Variants in MAD2L1 observed in about 807,000 individuals in gnomAD.
MAD2L1 encodes mitotic arrest deficient 2 like 1, also known as mitotic spindle assembly checkpoint protein MAD2A.
In MAD2L1, 10 loss-of-function variants were observed where a neutral mutation model predicts 25.9. That is an observed-to-expected ratio of 0.39 (90% CI 0.24 to 0.66). The LOEUF (loss-of-function observed/expected upper bound fraction) is 0.66, where lower values mean the gene tolerates loss of function less well. Among genes scored for constraint, MAD2L1 ranks in the 30% least tolerant of loss-of-function variants. MAD2L1 has a pLI of 0.49. For missense variants in MAD2L1, 180 were observed against 246.4 expected, an observed-to-expected ratio of 0.73 and a Z score of 1.80; for synonymous variants, 81 against 91.8, an observed-to-expected ratio of 0.88 and a Z score of 0.67.
At chr4:120,065,013 G>A (rs1333708022) in intron 2 of MAD2L1, among the ~76,000 whole-genome samples, 2 of 152,126 alleles carry the variant, frequency 1.3e-5, no homozygotes, top group Non-Finnish European at 2.9e-5. Flanking sequence ...AGGAATTCTA[G>A]AAAGGAAAAA....
At position 120,057,083 on chromosome 4, in the gene MAD2L1, A is replaced by C. The variant is rs377173173; in HGVS notation, c.*3035T>G. On this transcript the variant is annotated 3_prime_UTR_variant, in exon 5 of 5. Coordinates refer to ENST00000296509, the MANE Select transcript of MAD2L1 (RefSeq NM_002358.4). ...TAAGCTACAACCCTGGGGCCGAAGC[A>C]AACAGCCATGTTTTTTTCTTATTGG... 1 of 152,360 alleles carries C rather than the reference A, an allele frequency of 6.6e-6. No homozygotes were observed. Among genetic ancestry groups the C allele is most frequent in the East Asian group, 1.9e-4 (1 of 5,188 alleles). The allele number at this position is 152,360 out of a possible 1,614,324, so 9.4% of individuals were successfully genotyped here. A position where few individuals can be genotyped will look rare whatever the true frequency, so the allele number is the denominator to read the frequency against.
At chr4:120,064,567 CACCAAAGCAAAGAAAAGCACCCAT>C (rs1301235527) in intron 2 of MAD2L1, among the ~76,000 whole-genome samples, 77 of 152,278 alleles carry the variant, frequency 5.1e-4, no homozygotes, top group African/African-American at 1.8e-3. Flanking sequence ...AAAGCACCCA[CACCAAAGCAAAGAAAAGCACCCAT>C]ACCAAAGAAA....
At chr4:120,066,225 G>T (rs567169278) in intron 1 of MAD2L1, among the ~76,000 whole-genome samples, 11 of 152,104 alleles carry the variant, frequency 7.2e-5, no homozygotes, top group Non-Finnish European at 7.4e-5. Context: ...ATCCTGCCAG[G>T]TTCCTTTAGA....
chr4:120,064,602 T>C (rs1359527251), intron 2 of MAD2L1, among the ~76,000 whole-genome samples: 1 of 152,092 alleles, frequency 6.6e-6, no homozygotes, highest in Non-Finnish European at 1.5e-5. Flanking sequence ...ACCAAAGAAA[T>C]ACCCAGGCCA....
intron 2 of MAD2L1, among the ~76,000 whole-genome samples, chr4:120,063,128 T>C (rs144915175): frequency 2.0e-4 from 31 of 152,328 alleles, no homozygotes; most frequent in Middle Eastern, 3.4e-3. Flanking sequence ...TGAGTGTACA[T>C]TGTCTCTGGG....
Position 120,066,663 on chromosome 4 carries a change from G to A in MAD2L1, c.72C>T (p.Phe24=). 6.2e-7 allele frequency: 1 copy of A among 1,603,244 alleles called. No homozygotes were observed. ...RGSAEIVAEF[F]SFGINSILYQ... is the part of the protein sequence containing the mutation. Reference sequence around the variant, plus strand: ...ATATTGGCCTGCGCGAGAACTTACAGAAGAACTCGGCCACGATTTCGGCGC... The same window carrying A: ...ATATTGGCCTGCGCGAGAACTTACAAAAGAACTCGGCCACGATTTCGGCGC... The change falls in exon 1 of 5, where the codon TTC becomes TTT. Residue 24 remains phenylalanine, a splice_region_variant and synonymous_variant. Coordinates refer to ENST00000296509, the MANE Select transcript of MAD2L1 (RefSeq NM_002358.4).
Position 120,059,902 on chromosome 4 carries a change from A to G in MAD2L1, c.*216T>C. 2.5e-6 allele frequency: 1 copy of G among 397,884 alleles called. No homozygotes were observed. Among genetic ancestry groups the G allele is most frequent in the Non-Finnish European group, 4.5e-6 (1 of 222,702 alleles). 24.6% of individuals were successfully genotyped at this position (397,884 alleles called of 1,614,324 possible). On this transcript the variant is annotated 3_prime_UTR_variant, in exon 5 of 5. Transcript: ENST00000296509. Reference sequence around the variant, plus strand: ...CAAAAAAACCTCCTGGTTCCTTTTGAACAATGTGCAATAAATTCATGATGT... The same window carrying G: ...CAAAAAAACCTCCTGGTTCCTTTTGGACAATGTGCAATAAATTCATGATGT...
Position 120,065,663 on chromosome 4 carries a change from T to C in MAD2L1, c.220+9A>G. The C allele has an allele frequency of 6.2e-7, 1 of 1,612,936 alleles. No homozygotes were observed. Among genetic ancestry groups the C allele is most frequent in the Admixed American group, 1.7e-5 (1 of 59,812 alleles). On this transcript the variant is annotated intron_variant, in intron 2 of 4. Coordinates refer to ENST00000296509, the MANE Select transcript of MAD2L1 (RefSeq NM_002358.4). ...GCAAGACTCAAATTGTTTCCAATGA[T>C]TAAAATACCTTTCAGTTGTTCCACC...
Position 120,057,926 on chromosome 4 carries a change from G to T in MAD2L1, c.*2192C>A, listed in dbSNP as rs1386392254. The T allele has an allele frequency of 6.6e-6, 1 of 152,140 alleles. No individual in the cohort carries two copies. The highest frequency in any genetic ancestry group is 1.5e-5 in the Non-Finnish European group (1 of 68,040). 9.4% of individuals were successfully genotyped at this position (152,140 alleles called of 1,614,324 possible). On this transcript the variant is annotated 3_prime_UTR_variant, in exon 5 of 5. Coordinates refer to ENST00000296509, the MANE Select transcript of MAD2L1 (RefSeq NM_002358.4). ...CGCCCAGGCTAGAGTACAGTGGCAC[G>T]GTCTTGGCTCACCGCAACCTCCACC...
At chr4:120,061,890 TCAA>T in intron 3 of MAD2L1, 82 bp downstream of exon 3, 1 of 1,053,808 alleles carries the variant, frequency 9.5e-7, no homozygotes. Context: ...TAAAACTAGT[TCAA>T]TACAATTAGA....
rs1465617959 is a variant in MAD2L1, at chr4:120,066,750, C to G, written c.-16G>C. The G allele has an allele frequency of 6.3e-7, 1 of 1,583,560 alleles. No homozygotes were observed. Among genetic ancestry groups the G allele is most frequent in the Non-Finnish European group, 8.6e-7 (1 of 1,156,922 alleles). On this transcript the variant is annotated 5_prime_UTR_variant, in exon 1 of 5. Transcript: ENST00000296509. ...GCAGCGCCATGGCCAGGGACACAAACAAAAGCACGCGCTTCCACTCCGCGG... is the reference window on the plus strand; with the variant it reads ...GCAGCGCCATGGCCAGGGACACAAAGAAAAGCACGCGCTTCCACTCCGCGG...
At chr4:120,062,605 C>T (rs1400016685) in intron 2 of MAD2L1, among the ~76,000 whole-genome samples, 1 of 152,116 alleles carries the variant, frequency 6.6e-6, no homozygotes, top group Non-Finnish European at 1.5e-5. Flanking sequence ...GGAAGCAGCC[C>T]ACTACAAGTG....
intron 3 of MAD2L1, 110 bp from the exon 4 acceptor site, chr4:120,061,087 A>C: frequency 3.1e-6 from 2 of 635,862 alleles, no homozygotes; most frequent in Non-Finnish European, 2.8e-6. Flanking sequence ...TCAAATAAGC[A>C]GGGCTTATTT....
rs1726131897 is a variant in MAD2L1, at chr4:120,057,614, G to C, written c.*2504C>G. ...CTCTACATATGGTAAGCAACACTGAGCCAGAGTCCAGGCCAGGCCTAGAGG... is the reference window on the plus strand; with the variant it reads ...CTCTACATATGGTAAGCAACACTGACCCAGAGTCCAGGCCAGGCCTAGAGG... On this transcript the variant is annotated 3_prime_UTR_variant, in exon 5 of 5. Coordinates refer to ENST00000296509, the MANE Select transcript of MAD2L1 (RefSeq NM_002358.4). The C allele has an allele frequency of 6.6e-6, 1 of 152,298 alleles. No homozygotes were observed. The highest frequency in any genetic ancestry group is 1.5e-5 in the Non-Finnish European group (1 of 68,124). 9.4% of individuals were successfully genotyped at this position (152,298 alleles called of 1,614,324 possible).
chr4:120,060,157 T>C lies in MAD2L1; in HGVS notation c.579A>G (p.Val193=). The C allele has an allele frequency of 6.2e-7, 1 of 1,609,066 alleles. No individual in the cohort carries two copies. The change falls in exon 5 of 5, where the codon GTA becomes GTG. Residue 193 remains valine, a synonymous_variant. Transcript: ENST00000296509. ...GAATTTTGTAGGCCACCATGCTATTTACTTTGTGGATTGTAGTAGTAAATG... is the reference window on the plus strand; with the variant it reads ...GAATTTTGTAGGCCACCATGCTATTCACTTTGTGGATTGTAGTAGTAAATG... ...LRSFTTTIHK[V]NSMVAYKIPV...
chr4:120,057,081 GCAAA>G lies in MAD2L1; in HGVS notation c.*3033_*3036del, dbSNP rs1187487263. The G allele has an allele frequency of 6.6e-6, 1 of 152,208 alleles. No individual in the cohort carries two copies. Among genetic ancestry groups the G allele is most frequent in the African/African-American group, 2.4e-5 (1 of 41,440 alleles). 9.4% of individuals were successfully genotyped at this position (152,208 alleles called of 1,614,324 possible). A position where few individuals can be genotyped will look rare whatever the true frequency, so the allele number is the denominator to read the frequency against. ...GGTAAGCTACAACCCTGGGGCCGAA[GCAAA>G]CAGCCATGTTTTTTTCTTATTGGAA... On this transcript the variant is annotated 3_prime_UTR_variant, in exon 5 of 5. Coordinates refer to ENST00000296509, the MANE Select transcript of MAD2L1 (RefSeq NM_002358.4).
chr4:120,063,888 T>C (rs145875214), intron 2 of MAD2L1, among the ~76,000 whole-genome samples: 1 of 152,214 alleles, frequency 6.6e-6, no homozygotes, highest in East Asian at 1.9e-4. Context: ...CAGGCGCTTA[T>C]AATCTCAGCT....
chr4:120,065,676 C>T lies in MAD2L1; in HGVS notation c.216G>A (p.Leu72=), dbSNP rs1299573130. 4.3e-6 allele frequency: 7 copies of T among 1,613,132 alleles called. No individual in the cohort carries two copies. The highest frequency in any genetic ancestry group is 5.1e-6 in the Non-Finnish European group (6 of 1,179,782). The part of the protein sequence containing the change: ...IKYLNNVVEQ[L]KDWLYKCSVQ... ...TGTTTCCAATGATTAAAATACCTTT[C>T]AGTTGTTCCACCACATTATTTAGGT... The change falls in exon 2 of 5, where the codon CTG becomes CTA. Residue 72 remains leucine (L), a synonymous_variant. Coordinates refer to ENST00000296509, the MANE Select transcript of MAD2L1 (RefSeq NM_002358.4).
In MAD2L1 at chr4:120,058,850, G is replaced by C. The variant is rs1371836552; in HGVS notation, c.*1268C>G. On this transcript the variant is annotated 3_prime_UTR_variant, in exon 5 of 5. Transcript: ENST00000296509. ...TCAATATGTAATTTCTGAATGAACA[G>C]ATTCAGACTATGTGCAATTACTTAA... 1 of 152,148 alleles carries C rather than the reference G, an allele frequency of 6.6e-6. No individual in the cohort carries two copies. Among genetic ancestry groups the C allele is most frequent in the Non-Finnish European group, 1.5e-5 (1 of 68,026 alleles). 9.4% of individuals were successfully genotyped at this position (152,148 alleles called of 1,614,324 possible).
Sources: allele counts gnomAD v4.1 joint callset (sites outside exome capture counted in the v4.1 genomes callset), GRCh38; gene constraint gnomAD v4.1.1; transcripts MANE v1.5; gene names NCBI Gene and HGNC (gene_info 2026-07-23, HGNC 2026-07-21).